CSMD1: variants seen among roughly 807,000 people sequenced by gnomAD.
CSMD1 encodes CUB and sushi domain-containing protein 1.
Under a neutral mutation model 417.5 loss-of-function variants are expected in CSMD1, and 213 were observed. The ratio of observed to expected loss-of-function variants is 0.51; its 90% CI spans 0.46 to 0.57. The LOEUF is 0.57. Ranked by LOEUF, CSMD1 falls within the 20% of genes least tolerant of loss-of-function variation. The pLI is 0.00. For missense variants in CSMD1, 6,923 were observed against 4,529.7 expected, an observed-to-expected ratio of 1.53 and a Z score of -15.17; for synonymous variants, 2,862 against 1,736.8, an observed-to-expected ratio of 1.65 and a Z score of -16.11.
chr8:4,702,636 A>ACCC (rs1807650683), intron 1 of CSMD1, among the ~76,000 whole-genome samples: 1 of 152,184 alleles, frequency 6.6e-6, no homozygotes, highest in Admixed American at 6.5e-5. Flanking sequence ...ACACACTGAG[A>ACCC]ATCACAAATA....
At chr8:3,934,727 C>G (rs778856817) in intron 5 of CSMD1, among the ~76,000 whole-genome samples, 1 of 151,974 alleles carries the variant, frequency 6.6e-6, no homozygotes, top group Non-Finnish European at 1.5e-5. Flanking sequence ...TGGTGGTGCA[C>G]TCCCAGCTAC....
At chr8:4,389,698 G>C (rs1803715211) in intron 3 of CSMD1, among the ~76,000 whole-genome samples, 1 of 151,990 alleles carries the variant, frequency 6.6e-6, no homozygotes, top group East Asian at 1.9e-4. Context: ...CACATTCTAA[G>C]ATTTTTTTAT....
intron 1 of CSMD1, among the ~76,000 whole-genome samples, chr8:4,837,627 T>C (rs766352041): frequency 4.0e-4 from 61 of 151,726 alleles, no homozygotes; most frequent in Middle Eastern, 3.4e-3. Context: ...CAGTAGGGAG[T>C]TGCTGGGGAG....
intron 5 of CSMD1, among the ~76,000 whole-genome samples, chr8:3,890,125 G>A (rs1806858350): frequency 6.6e-6 from 1 of 152,108 alleles, no homozygotes; most frequent in Admixed American, 6.6e-5. Context: ...AACTTTGATA[G>A]TTTATTATTG....
intron 3 of CSMD1, among the ~76,000 whole-genome samples, chr8:4,199,333 C>G (rs914371303): frequency 6.6e-6 from 1 of 152,172 alleles, no homozygotes; most frequent in Non-Finnish European, 1.5e-5. Flanking sequence ...AGGTCTGTAT[C>G]TGAAGTCTAC....
In CSMD1 at chr8:4,737,084, T is replaced by C. The variant is rs542183777; in HGVS notation, c.86-99526A>G. On this transcript the variant is annotated intron_variant, in intron 1 of 69. Coordinates refer to ENST00000635120, the MANE Select transcript of CSMD1 (RefSeq NM_033225.6). ...CAAAAGAAAAGACATGTAATCAACCTACATGCCCATCAATGATAGACTGAA... is the reference window on the plus strand; with the variant it reads ...CAAAAGAAAAGACATGTAATCAACCCACATGCCCATCAATGATAGACTGAA... 1.4e-3 allele frequency among the ~76,000 whole-genome samples: 218 copies of C among 152,244 alleles called. 6 individuals carry two copies. The South Asian group carries it at 0.039, about 27-fold the overall frequency.
chr8:4,742,857 T>G (rs1242765695), intron 1 of CSMD1, among the ~76,000 whole-genome samples: 1 of 152,196 alleles, frequency 6.6e-6, no homozygotes, highest in Non-Finnish European at 1.5e-5. Flanking sequence ...GTTACAATTC[T>G]AACTTAATGG....
At chr8:4,721,810 A>G (rs1809072539) in intron 1 of CSMD1, among the ~76,000 whole-genome samples, 1 of 152,222 alleles carries the variant, frequency 6.6e-6, no homozygotes, top group Admixed American at 6.5e-5. Flanking sequence ...GAACCTAGGC[A>G]TCCACCAATG....
At chr8:3,322,690 T>A (rs156073) in intron 23 of CSMD1, among the ~76,000 whole-genome samples, 132,230 of 152,220 alleles carry the variant, frequency 0.87, 57,638 homozygotes, top group East Asian at 1. Flanking sequence ...GGTGTCAGAC[T>A]TCATGGCAGT....
chr8:4,555,091 T>C (rs1284886155), intron 2 of CSMD1, among the ~76,000 whole-genome samples: 1 of 152,210 alleles, frequency 6.6e-6, no homozygotes, highest in Non-Finnish European at 1.5e-5. Flanking sequence ...TAGCTATTTA[T>C]TTTTAGGAAT....
chr8:3,708,813 G>C (rs960169715), intron 6 of CSMD1, among the ~76,000 whole-genome samples: 3 of 152,112 alleles, frequency 2.0e-5, no homozygotes, highest in African/African-American at 7.2e-5. Context: ...TCCCCAAATT[G>C]TTCAGGCAGA....
At chr8:3,616,565 A>ATT in intron 8 of CSMD1, 145 bp downstream of exon 8, 2 of 609,312 alleles carry the variant, frequency 3.3e-6, no homozygotes, top group Middle Eastern at 2.7e-4. Flanking sequence ...CTGAAGACAA[A>ATT]TTGTGATTAC....
At chr8:3,100,318 G>A (rs11136576) in intron 46 of CSMD1, among the ~76,000 whole-genome samples, 51,413 of 152,020 alleles carry the variant, frequency 0.34, 9,826 homozygotes, top group South Asian at 0.52. Flanking sequence ...CCTCCACCAT[G>A]CTCGGCCTAA....
chr8:4,491,415 G>A (rs1209049141), intron 2 of CSMD1, among the ~76,000 whole-genome samples: 4 of 152,030 alleles, frequency 2.6e-5, no homozygotes, highest in African/African-American at 4.8e-5. Flanking sequence ...TTAACCTTAC[G>A]CCCTAGCTGT....
At chr8:3,030,886 A>G (rs11995658) in intron 50 of CSMD1, among the ~76,000 whole-genome samples, 6,438 of 152,124 alleles carry the variant, frequency 0.042, 472 homozygotes, top group African/African-American at 0.15. Context: ...CAAGTACTAT[A>G]TAAAAATATA....
intron 10 of CSMD1, among the ~76,000 whole-genome samples, chr8:3,554,576 G>A (rs1799060532): frequency 6.6e-6 from 1 of 152,316 alleles, no homozygotes; most frequent in South Asian, 2.1e-4. Context: ...AGAAGCTACA[G>A]CCCCTCTAAC....
intron 1 of CSMD1, among the ~76,000 whole-genome samples, chr8:4,939,831 G>C (rs1222127286): frequency 6.6e-6 from 1 of 152,090 alleles, no homozygotes; most frequent in African/African-American, 2.4e-5. Context: ...ATTCACATGT[G>C]ATGTAGCATG....
At chr8:3,931,273 T>A (rs1650319801) in intron 5 of CSMD1, among the ~76,000 whole-genome samples, 1 of 150,618 alleles carries the variant, frequency 6.6e-6, no homozygotes, top group Admixed American at 6.6e-5. Context: ...CATTTTGAAT[T>A]GTTAATAAAT....
intron 18 of CSMD1, among the ~76,000 whole-genome samples, chr8:3,381,913 T>C (rs949000120): frequency 1.3e-5 from 2 of 152,214 alleles, no homozygotes; most frequent in Non-Finnish European, 2.9e-5. Flanking sequence ...ATACAGTATA[T>C]GCATATACAC....
Sources: allele counts gnomAD v4.1 joint callset (sites outside exome capture counted in the v4.1 genomes callset), GRCh38; gene constraint gnomAD v4.1.1; transcripts MANE v1.5; gene names NCBI Gene and HGNC (gene_info 2026-07-23, HGNC 2026-07-21).